The following CSMD1 variants were observed in gnomAD, a reference collection of about 807,000 sequenced individuals.
The protein encoded by CSMD1 is CUB and sushi domain-containing protein 1.
In CSMD1, 213 loss-of-function variants were observed where a neutral mutation model predicts 417.5. The ratio of observed to expected loss-of-function variants is 0.51; its 90% CI spans 0.46 to 0.57. The LOEUF is 0.57. Among genes scored for constraint, CSMD1 ranks in the 20% least tolerant of loss-of-function variants. The pLI is 0.00. For synonymous variants in CSMD1, 2,862 were observed against 1,736.8 expected, an observed-to-expected ratio of 1.65 and a Z score of -16.11; for missense variants, 6,923 against 4,529.7, an observed-to-expected ratio of 1.53 and a Z score of -15.17.
intron 40 of CSMD1, among the ~76,000 whole-genome samples, chr8:3,149,040 T>A (rs182850053): frequency 6.6e-6 from 1 of 152,354 alleles, no homozygotes; most frequent in East Asian, 1.9e-4. Flanking sequence ...CCAATTTTTT[T>A]AAGATTTACA....
At chr8:3,362,344 A>T (rs897065586) in intron 20 of CSMD1, among the ~76,000 whole-genome samples, 2 of 152,042 alleles carry the variant, frequency 1.3e-5, no homozygotes, top group African/African-American at 2.4e-5. Context: ...CTTCCACTCA[A>T]ATGATCTTAC....
chr8:3,695,859 A>G (rs1297507982), intron 7 of CSMD1, among the ~76,000 whole-genome samples: 2 of 152,186 alleles, frequency 1.3e-5, no homozygotes, highest in African/African-American at 4.8e-5. Flanking sequence ...AGAAATTACC[A>G]TTATATTTTT....
chr8:2,996,468 G>T (rs1162008232), intron 54 of CSMD1, among the ~76,000 whole-genome samples: 1 of 152,200 alleles, frequency 6.6e-6, no homozygotes, highest in Non-Finnish European at 1.5e-5. Context: ...ACACACGATT[G>T]TGAGGAGCTG....
chr8:3,377,679 T>C (rs895802919), intron 18 of CSMD1, among the ~76,000 whole-genome samples: 2 of 152,174 alleles, frequency 1.3e-5, no homozygotes, highest in Admixed American at 1.3e-4. Flanking sequence ...TATCAACTCC[T>C]GGTAATTCTG....
At chr8:3,884,721 T>C (rs924592853) in intron 5 of CSMD1, among the ~76,000 whole-genome samples, 5 of 152,090 alleles carry the variant, frequency 3.3e-5, no homozygotes, top group African/African-American at 9.7e-5. Flanking sequence ...ATGTCCATGA[T>C]TGGCCTTAAC....
intron 52 of CSMD1, among the ~76,000 whole-genome samples, chr8:3,015,076 A>G (rs533721184): frequency 2.5e-4 from 37 of 146,120 alleles, no homozygotes; most frequent in African/African-American, 3.6e-4. Flanking sequence ...TAAAATTAAA[A>G]AAGTTTTTAA....
At chr8:4,946,173 C>T (rs1205978399) in intron 1 of CSMD1, among the ~76,000 whole-genome samples, 1 of 152,178 alleles carries the variant, frequency 6.6e-6, no homozygotes, top group Non-Finnish European at 1.5e-5. Context: ...AACTTTGATA[C>T]TCCGTGTTGT....
intron 3 of CSMD1, among the ~76,000 whole-genome samples, chr8:4,081,890 G>A (rs1219638482): frequency 2.0e-5 from 3 of 152,144 alleles, no homozygotes; most frequent in Non-Finnish European, 2.9e-5. Flanking sequence ...GTTGGATTTA[G>A]TTACAGTAGT....
At chr8:3,255,461 C>CA (rs1311903762) in intron 26 of CSMD1, among the ~76,000 whole-genome samples, 1 of 152,198 alleles carries the variant, frequency 6.6e-6, no homozygotes, top group African/African-American at 2.4e-5. Flanking sequence ...GCCCTGCCCC[C>CA]AGAGGTGGAG....
At chr8:3,151,228 G>A (rs753242568) in intron 40 of CSMD1, 169 bp downstream of exon 40, 40 of 523,996 alleles carry the variant, frequency 7.6e-5, no homozygotes, top group Non-Finnish European at 1.2e-4. Flanking sequence ...TTTCAAATAA[G>A]TTTTCCACTC....
intron 37 of CSMD1, among the ~76,000 whole-genome samples, chr8:3,175,666 C>A (rs146062172): frequency 2.7e-4 from 39 of 144,712 alleles, no homozygotes; most frequent in African/African-American, 1.1e-3. Context: ...TCTGCATAGG[C>A]TTCTGTATCT....
chr8:4,931,529 A>C (rs947482473), intron 1 of CSMD1, among the ~76,000 whole-genome samples: 3 of 152,156 alleles, frequency 2.0e-5, no homozygotes, highest in Non-Finnish European at 4.4e-5. Context: ...ATCCAACGCA[A>C]GGTGACTGCC....
chr8:3,612,457 C>G (rs975035106), intron 8 of CSMD1, among the ~76,000 whole-genome samples: 1 of 152,112 alleles, frequency 6.6e-6, no homozygotes, highest in African/African-American at 2.4e-5. Flanking sequence ...CCAACTTGAT[C>G]TAACTGACAT....
intron 5 of CSMD1, among the ~76,000 whole-genome samples, chr8:3,812,801 G>A (rs544256616): frequency 3.9e-5 from 6 of 152,138 alleles, no homozygotes; most frequent in Admixed American, 1.3e-4. Context: ...TGAATTAACT[G>A]TCTTTCCTTT....
At chr8:4,209,746 C>A (rs1431188414) in intron 3 of CSMD1, among the ~76,000 whole-genome samples, 1 of 152,184 alleles carries the variant, frequency 6.6e-6, no homozygotes, top group Non-Finnish European at 1.5e-5. Context: ...CTGCTCCTAG[C>A]ACAGCAGGAC....
chr8:3,719,229 T>G (rs949962395), intron 6 of CSMD1, among the ~76,000 whole-genome samples: 1 of 151,550 alleles, frequency 6.6e-6, no homozygotes, highest in African/African-American at 2.4e-5. Flanking sequence ...CCTTCCAAGG[T>G]GTTCACCTTG....
chr8:4,369,961 C>A (rs1583130), intron 3 of CSMD1, among the ~76,000 whole-genome samples: 3 of 151,954 alleles, frequency 2.0e-5, no homozygotes, highest in African/African-American at 7.2e-5. Flanking sequence ...TGGGTCAATA[C>A]TGACACGTGA....
chr8:4,528,507 G>A (rs1002107697), intron 2 of CSMD1, among the ~76,000 whole-genome samples: 12 of 152,142 alleles, frequency 7.9e-5, no homozygotes, highest in Admixed American at 2.0e-4. Context: ...GTAGCATGGC[G>A]CCTAGAGTTA....
intron 7 of CSMD1, among the ~76,000 whole-genome samples, chr8:3,694,563 G>A (rs565427984): frequency 6.6e-6 from 1 of 151,938 alleles, no homozygotes; most frequent in Non-Finnish European, 1.5e-5. Context: ...TTCAGTGGAA[G>A]GCCAGGCCCG....
Sources: gnomAD v4.1 joint callset for allele counts (sites outside exome capture counted in the v4.1 genomes callset) on GRCh38, gnomAD v4.1.1 for gene constraint, MANE v1.5 for transcripts, NCBI Gene and HGNC (gene_info 2026-07-23, HGNC 2026-07-21) for gene names.